Variants in PHF20 observed in about 807,000 individuals in gnomAD.
PHF20 encodes PHD finger protein 20.
A neutral mutation model predicts 113.5 loss-of-function variants in PHF20; 23 were observed. That is an observed-to-expected ratio of 0.20 (90% CI 0.15 to 0.29). PHF20 has a LOEUF of 0.29. PHF20 is among the 10% of genes least tolerant of loss of function. PHF20 has a pLI of 1.00. For synonymous variants in PHF20, 434 were observed against 457.3 expected (o/e 0.95, Z 0.65); for missense variants, 943 against 1,219.6 (o/e 0.77, Z 3.38).
chr20:35,847,924 A>G (rs368045225), intron 4 of PHF20, among the ~76,000 whole-genome samples: 1 of 152,202 alleles, frequency 6.6e-6, no homozygotes, highest in Non-Finnish European at 1.5e-5. Flanking sequence ...AGAGTTGAAC[A>G]TGTGAAGAGA....
chr20:35,907,388 A>G (rs940429631), intron 10 of PHF20, among the ~76,000 whole-genome samples: 8 of 152,230 alleles, frequency 5.3e-5, no homozygotes, highest in Non-Finnish European at 1.2e-4. Flanking sequence ...AGAGCCTGGC[A>G]GGAAGTCACT....
At chr20:35,855,633 A>G (rs1374819489) in intron 4 of PHF20, 2 of 152,074 alleles carry the variant, frequency 1.3e-5, no homozygotes, top group Non-Finnish European at 2.9e-5. Flanking sequence ...CCAAGCATTT[A>G]TCCTTTGTTA....
chr20:35,796,734 C>T (rs1014131078), intron 1 of PHF20, among the ~76,000 whole-genome samples: 4 of 152,144 alleles, frequency 2.6e-5, no homozygotes, highest in African/African-American at 9.7e-5. Context: ...ATAAGCATAG[C>T]AACGACTTTG....
chr20:35,943,223 G>A (rs918027283), intron 17 of PHF20, among the ~76,000 whole-genome samples: 1 of 151,976 alleles, frequency 6.6e-6, no homozygotes, highest in African/African-American at 2.4e-5. Flanking sequence ...TGGTGCACAC[G>A]TATAATCCTA....
chr20:35,818,727 GA>G (rs1260733457), intron 2 of PHF20, among the ~76,000 whole-genome samples: 1 of 152,022 alleles, frequency 6.6e-6, no homozygotes, highest in African/African-American at 2.4e-5. Context: ...TATAGAGACT[GA>G]GTCTCGCTGT....
intron 2 of PHF20, among the ~76,000 whole-genome samples, chr20:35,831,585 C>T (rs1340270838): frequency 6.6e-6 from 1 of 152,120 alleles, no homozygotes; most frequent in African/African-American, 2.4e-5. Context: ...CAACTCCAAC[C>T]TCTTAAGTAG....
At chr20:35,870,183 A>AGTCCC (rs1274720142) in intron 7 of PHF20, among the ~76,000 whole-genome samples, 1 of 151,984 alleles carries the variant, frequency 6.6e-6, no homozygotes, top group Non-Finnish European at 1.5e-5. Context: ...AGGCACCTGT[A>AGTCCC]GTCCCAGCTA....
chr20:35,870,627 G>GC (rs1273430062), intron 7 of PHF20, among the ~76,000 whole-genome samples: 2 of 128,330 alleles, frequency 1.6e-5, no homozygotes, highest in Non-Finnish European at 3.5e-5. Context: ...TCTAAGTAAG[G>GC]CTCTTATAAA....
rs369246194 is a variant in PHF20 at position 35,898,545 on chromosome 20, G to A, written c.1283-825G>A. The stretch of plus-strand genomic sequence containing the variant: ...CTGCCTTCGGGTTCAAGCAATTATC[G>A]TGCCTCAGCCTCCCGAATAGCTAGA... On this transcript the variant is annotated intron_variant, in intron 9 of 17. Coordinates refer to ENST00000374012, the MANE Select transcript of PHF20 (RefSeq NM_016436.5). Among the ~76,000 whole-genome samples, 9 of 151,958 alleles carry A rather than the reference G, an allele frequency of 5.9e-5. No homozygotes were observed. The South Asian group carries it at 6.2e-4, about 11-fold the overall frequency.
intron 9 of PHF20, among the ~76,000 whole-genome samples, chr20:35,894,493 T>G (rs2054940547): frequency 6.6e-6 from 1 of 152,236 alleles, no homozygotes; most frequent in South Asian, 2.1e-4. Context: ...TTTTGTACTA[T>G]ACCATACTGC....
At chr20:35,851,017 C>T (rs2042720981) in intron 4 of PHF20, 1 of 363,892 alleles carries the variant, frequency 2.7e-6, no homozygotes, top group Non-Finnish European at 5.2e-6. Flanking sequence ...TGGTCTGGAA[C>T]TCCTGACCTC....
At chr20:35,890,907 CA>C (rs1216694926) in intron 9 of PHF20, among the ~76,000 whole-genome samples, 1 of 151,942 alleles carries the variant, frequency 6.6e-6, no homozygotes, top group Non-Finnish European at 1.5e-5. Flanking sequence ...AACAATAAAA[CA>C]AAACAAAACT....
At position 35,919,753 on chromosome 20, in the gene PHF20, T is replaced by A. The variant is rs190895327; in HGVS notation, c.2004+2091T>A. Among the ~76,000 whole-genome samples, 354 of 152,338 alleles carry A rather than the reference T, an allele frequency of 2.3e-3. 1 individual carries two copies. Among genetic ancestry groups the A allele is most frequent in the Middle Eastern group, 0.017 (5 of 294 alleles). ...TTTAAACTTTCAGAACAACTAGAGATGAGTAGATGTATTTGCTTTTTTGCC... is the reference window on the plus strand; with the variant it reads ...TTTAAACTTTCAGAACAACTAGAGAAGAGTAGATGTATTTGCTTTTTTGCC... On this transcript the variant is annotated intron_variant, in intron 13 of 17. Transcript: ENST00000374012.
At chr20:35,921,148 G>T (rs1299472332) in intron 13 of PHF20, among the ~76,000 whole-genome samples, 1 of 152,124 alleles carries the variant, frequency 6.6e-6, no homozygotes, top group Non-Finnish European at 1.5e-5. Context: ...CATGGCCATT[G>T]TCAGGGTGAC....
At chr20:35,936,580 T>G (rs2055869717) in intron 15 of PHF20, among the ~76,000 whole-genome samples, 1 of 152,224 alleles carries the variant, frequency 6.6e-6, no homozygotes, top group East Asian at 1.9e-4. Flanking sequence ...GTTCTTTTCT[T>G]TAATAACAAA....
intron 2 of PHF20, among the ~76,000 whole-genome samples, chr20:35,821,496 CA>C (rs145842439): frequency 0.013 from 1,053 of 78,062 alleles, 5 homozygotes; most frequent in African/African-American, 0.029. Context: ...ACCAAAAATA[CA>C]AAAAAAAAAA....
At chr20:35,792,554 T>C (rs1411549065) in intron 1 of PHF20, among the ~76,000 whole-genome samples, 3 of 152,006 alleles carry the variant, frequency 2.0e-5, no homozygotes, top group African/African-American at 7.2e-5. Flanking sequence ...CCTTACCTCT[T>C]CTGCCTTTCC....
At chr20:35,925,472 C>A (rs1239957108) in intron 13 of PHF20, among the ~76,000 whole-genome samples, 1 of 151,766 alleles carries the variant, frequency 6.6e-6, no homozygotes, top group Admixed American at 6.6e-5. Flanking sequence ...ACATGTTGGC[C>A]AGGCTGATCT....
chr20:35,823,602 C>T lies in PHF20; in HGVS notation c.84-18971C>T, dbSNP rs143630787. On this transcript the variant is annotated intron_variant, in intron 2 of 17. Coordinates refer to ENST00000374012, the MANE Select transcript of PHF20 (RefSeq NM_016436.5). ...TGATTGTACCGCTGCACTCCAACTC[C>T]AGCCTGTGTGATAGAGCGAGACCCT... Among the ~76,000 whole-genome samples, 583 of 137,754 alleles carry T rather than the reference C, an allele frequency of 4.2e-3. 5 individuals are homozygous for T. Among genetic ancestry groups the T allele is most frequent in the African/African-American group, 0.015 (554 of 36,440 alleles). 90.4% of individuals were successfully genotyped at this position (137,754 alleles called of 152,430 possible).
Sources: allele counts gnomAD v4.1 joint callset (sites outside exome capture counted in the v4.1 genomes callset), GRCh38; gene constraint gnomAD v4.1.1; transcripts MANE v1.5; gene names NCBI Gene and HGNC (gene_info 2026-07-23, HGNC 2026-07-21).